The following CHST11 variants were observed in gnomAD, a reference collection of about 807,000 sequenced individuals.
The protein encoded by CHST11 is C4S-1.
Under a neutral mutation model 30.4 loss-of-function variants are expected in CHST11, and 9 were observed. That is an observed-to-expected ratio of 0.30 (90% CI 0.18 to 0.52). CHST11 has a LOEUF of 0.52. Among genes scored for constraint, CHST11 ranks in the 20% least tolerant of loss-of-function variants. The probability of loss-of-function intolerance (pLI) is 0.97; values close to 1 mark genes in which losing one functional copy is unlikely to be tolerated. For synonymous variants in CHST11, 152 were observed against 187.8 expected (o/e 0.81, Z 1.56); for missense variants, 348 against 460.6 (o/e 0.76, Z 2.24).
At chr12:104,501,231 C>T (rs2037850931) in intron 1 of CHST11, among the ~76,000 whole-genome samples, 1 of 152,136 alleles carries the variant, frequency 6.6e-6, no homozygotes, top group Non-Finnish European at 1.5e-5. Context: ...ACAGCTGGGC[C>T]ACAAGCCCAG....
At chr12:104,623,737 T>C (rs554960873) in intron 2 of CHST11, among the ~76,000 whole-genome samples, 100 of 151,940 alleles carry the variant, frequency 6.6e-4, no homozygotes, top group African/African-American at 2.3e-3. Context: ...AAAAAGTTCA[T>C]GTGCCCTTGG....
In CHST11 at chr12:104,637,466, T is replaced by C. The variant is rs927146316; in HGVS notation, c.204+35475T>C. 3.3e-5 allele frequency among the ~76,000 whole-genome samples: 5 copies of C among 152,034 alleles called. No homozygotes were observed. In the East Asian group the frequency reaches 5.8e-4, roughly 18 times the overall value. ...CAAACCTGCACGTTGTGCACATGTA[T>C]CCTAAAACTTAAAGTATAATAATAA... On this transcript the variant is annotated intron_variant, in intron 2 of 2. Coordinates refer to ENST00000303694, the MANE Select transcript of CHST11 (RefSeq NM_018413.6).
intron 1 of CHST11, among the ~76,000 whole-genome samples, chr12:104,557,452 G>A (rs1240349306): frequency 2.0e-5 from 3 of 152,114 alleles, no homozygotes; most frequent in Non-Finnish European, 4.4e-5. Flanking sequence ...CAGAGTGCAT[G>A]GTGAGCATTG....
At chr12:104,667,765 G>C (rs1391912011) in intron 2 of CHST11, among the ~76,000 whole-genome samples, 2 of 152,188 alleles carry the variant, frequency 1.3e-5, no homozygotes, top group Non-Finnish European at 2.9e-5. Flanking sequence ...GATGCTGCCT[G>C]TCAGCTTCTT....
chr12:104,466,468 C>T (rs1331455129), intron 1 of CHST11, among the ~76,000 whole-genome samples: 2 of 152,212 alleles, frequency 1.3e-5, no homozygotes, highest in Non-Finnish European at 2.9e-5. Flanking sequence ...ACCCTCGTGA[C>T]CCCATCTCCA....
At chr12:104,727,896 A>G (rs981715704) in intron 2 of CHST11, among the ~76,000 whole-genome samples, 1 of 152,142 alleles carries the variant, frequency 6.6e-6, no homozygotes, top group Non-Finnish European at 1.5e-5. Flanking sequence ...AGGAAATGAT[A>G]TCTTAGCCAA....
intron 2 of CHST11, among the ~76,000 whole-genome samples, chr12:104,632,991 T>A (rs750374486): frequency 2.0e-5 from 3 of 152,238 alleles, no homozygotes; most frequent in Non-Finnish European, 4.4e-5. Flanking sequence ...TTCTTTATCA[T>A]CGACTTTGTC....
At chr12:104,679,276 C>T (rs972714124) in intron 2 of CHST11, among the ~76,000 whole-genome samples, 4 of 152,172 alleles carry the variant, frequency 2.6e-5, no homozygotes, top group African/African-American at 9.7e-5. Flanking sequence ...GTGAGGACTT[C>T]AGGACCCCAA....
chr12:104,500,526 T>C (rs2037843246), intron 1 of CHST11, among the ~76,000 whole-genome samples: 2 of 149,282 alleles, frequency 1.3e-5, no homozygotes, highest in African/African-American at 5.0e-5. Flanking sequence ...ACTTATTCGT[T>C]TTTTAGTTTG....
chr12:104,535,234 C>G (rs923893575), intron 1 of CHST11, among the ~76,000 whole-genome samples: 5 of 152,038 alleles, frequency 3.3e-5, no homozygotes, highest in Non-Finnish European at 5.9e-5. Flanking sequence ...ATAGAGATGC[C>G]CTCGTCCTCC....
At chr12:104,560,443 G>T (rs77452459) in intron 1 of CHST11, among the ~76,000 whole-genome samples, 2,263 of 152,256 alleles carry the variant, frequency 0.015, 111 homozygotes, top group East Asian at 0.14. Flanking sequence ...TAGGAATTCA[G>T]TCTTTGATGG....
In CHST11 at chr12:104,758,335, A is replaced by G. The variant is rs2040497023; in HGVS notation, c.*532A>G. ...GTAGGTTGCTATTGCACTTAGAGTC[A>G]TCTTTGCAAGGGACTCATTCCAAAC... On this transcript the variant is annotated 3_prime_UTR_variant, in exon 3 of 3. Coordinates refer to ENST00000303694, the MANE Select transcript of CHST11 (RefSeq NM_018413.6). 6.6e-6 allele frequency: 1 copy of G among 152,566 alleles called. No individual in the cohort carries two copies. Among genetic ancestry groups the G allele is most frequent in the East Asian group, 1.9e-4 (1 of 5,204 alleles). The allele number at this position is 152,566 out of a possible 1,614,324, so 9.5% of individuals were successfully genotyped here. A position where few individuals can be genotyped will look rare whatever the true frequency, so the allele number is the denominator to read the frequency against.
intron 1 of CHST11, among the ~76,000 whole-genome samples, chr12:104,474,096 A>C (rs184547622): frequency 6.6e-6 from 1 of 152,240 alleles, no homozygotes. Flanking sequence ...AAACTTATAA[A>C]GATTTAGGGA....
At chr12:104,735,748 AG>A (rs570816286) in intron 2 of CHST11, among the ~76,000 whole-genome samples, 405 of 152,332 alleles carry the variant, frequency 2.7e-3, no homozygotes, top group Non-Finnish European at 4.5e-3. Flanking sequence ...AGGGGCTGGC[AG>A]GGGCCAGGAT....
chr12:104,504,379 A>T (rs563461279), intron 1 of CHST11, among the ~76,000 whole-genome samples: 1 of 152,330 alleles, frequency 6.6e-6, no homozygotes, highest in East Asian at 1.9e-4. Context: ...AGAAAACCAG[A>T]TGCCAGACTC....
chr12:104,533,529 G>A (rs1055767461), intron 1 of CHST11, among the ~76,000 whole-genome samples: 3 of 152,142 alleles, frequency 2.0e-5, no homozygotes, highest in Non-Finnish European at 4.4e-5. Flanking sequence ...ACTTTTCAAG[G>A]CTTATTTTGA....
chr12:104,596,574 T>C (rs2038908685), intron 1 of CHST11, among the ~76,000 whole-genome samples: 4 of 72,290 alleles, frequency 5.5e-5, no homozygotes, highest in African/African-American at 2.2e-4. Context: ...GTTGTCAATT[T>C]GCTACTTGCC....
At chr12:104,588,202 T>G (rs901680409) in intron 1 of CHST11, among the ~76,000 whole-genome samples, 2 of 152,190 alleles carry the variant, frequency 1.3e-5, no homozygotes, top group Non-Finnish European at 2.9e-5. Flanking sequence ...TTTAGAACAT[T>G]TCCATCACCC....
intron 2 of CHST11, among the ~76,000 whole-genome samples, chr12:104,671,480 G>A (rs531540515): frequency 1.7e-4 from 26 of 152,198 alleles, no homozygotes; most frequent in South Asian, 1.0e-3. Flanking sequence ...TGTTACCAGC[G>A]CGATCATGGT....
Sources: gnomAD v4.1 joint callset for allele counts (sites outside exome capture counted in the v4.1 genomes callset) on GRCh38, gnomAD v4.1.1 for gene constraint, MANE v1.5 for transcripts, NCBI Gene and HGNC (gene_info 2026-07-23, HGNC 2026-07-21) for gene names.